The following KHDRBS3 variants were observed in gnomAD, a reference collection of about 807,000 sequenced individuals.
KHDRBS3 encodes KH RNA binding domain containing, signal transduction associated 3, also known as KH domain-containing, RNA-binding, signal transduction-associated protein 3.
KHDRBS3 carries 23 observed loss-of-function variants against 45.6 expected under a neutral mutation model. The ratio of observed to expected loss-of-function variants is 0.50; its 90% CI spans 0.36 to 0.72. The LOEUF is 0.72. Among genes scored for constraint, KHDRBS3 ranks in the 30% least tolerant of loss-of-function variants. The pLI is 0.00. For synonymous variants in KHDRBS3, 162 were observed against 156.5 expected, an observed-to-expected ratio of 1.04 and a Z score of -0.26; for missense variants, 352 against 424.8, an observed-to-expected ratio of 0.83 and a Z score of 1.51.
chr8:135,632,410 T>C (rs1174681910), intron 7 of KHDRBS3, among the ~76,000 whole-genome samples: 1 of 152,018 alleles, frequency 6.6e-6, no homozygotes, highest in Admixed American at 6.6e-5. Flanking sequence ...CTTTAACCTC[T>C]TCTCCATTTG....
Position 135,582,010 on chromosome 8 carries a change from AG to A in KHDRBS3, c.745del (p.Val249SerfsTer103). 1.9e-6 allele frequency: 3 copies of A among 1,612,724 alleles called. No individual in the cohort carries two copies. The highest frequency in any genetic ancestry group is 2.5e-6 in the Non-Finnish European group (3 of 1,179,268). ...GACTTCTCACTCCCAGAGCAAGAGGAGTCCCCCCAACTGGGTACAGACCTCC... is the reference window on the plus strand; with the variant it reads ...GACTTCTCACTCCCAGAGCAAGAGGATCCCCCCAACTGGGTACAGACCTCC... ...RGLLTPRARG[V>X]PPTGYRPPPP... On this transcript the variant is annotated frameshift_variant, in exon 6 of 9. Transcript: ENST00000355849. LOFTEE classifies it high-confidence loss of function.
At chr8:135,606,008 T>C (rs539191376) in intron 6 of KHDRBS3, among the ~76,000 whole-genome samples, 2 of 152,312 alleles carry the variant, frequency 1.3e-5, no homozygotes, top group East Asian at 3.9e-4. Context: ...TAGTGACTTT[T>C]CTAAACTAAT....
intron 1 of KHDRBS3, among the ~76,000 whole-genome samples, chr8:135,507,531 T>G (rs926705725): frequency 1.3e-5 from 2 of 152,184 alleles, no homozygotes; most frequent in Non-Finnish European, 2.9e-5. Flanking sequence ...TGACTGGCCA[T>G]GGTGTACTTA....
chr8:135,614,707 G>GGA, intron 7 of KHDRBS3, among the ~76,000 whole-genome samples: 1 of 145,906 alleles, frequency 6.9e-6, no homozygotes, highest in South Asian at 2.2e-4. Flanking sequence ...CATGGTAAGG[G>GGA]AAAAAAAAAC....
intron 1 of KHDRBS3, among the ~76,000 whole-genome samples, chr8:135,514,882 G>C (rs1454575927): frequency 1.3e-5 from 2 of 152,098 alleles, no homozygotes; most frequent in Non-Finnish European, 2.9e-5. Context: ...GATAATTTAA[G>C]TCAAACACAC....
In KHDRBS3 at chr8:135,482,806, C is replaced by T. The variant is rs1272153898; in HGVS notation, c.88+24852C>T. On this transcript the variant is annotated intron_variant, in intron 1 of 8. Coordinates refer to ENST00000355849, the MANE Select transcript of KHDRBS3 (RefSeq NM_006558.3). ...GCACCTCTGAAAAGTTGACTAACAC[C>T]ACCTAGTAGGTAGCAGGGATGTTGG... 4.6e-5 allele frequency among the ~76,000 whole-genome samples: 7 copies of T among 152,258 alleles called. No individual in the cohort carries two copies. The East Asian group carries it at 1.2e-3, about 25-fold the overall frequency.
intron 7 of KHDRBS3, among the ~76,000 whole-genome samples, chr8:135,610,071 G>A (rs1829647384): frequency 6.6e-6 from 1 of 151,814 alleles, no homozygotes; most frequent in Non-Finnish European, 1.5e-5. Context: ...CAAGATTATA[G>A]TCCATGTGAT....
At chr8:135,602,366 A>G (rs961923323) in intron 6 of KHDRBS3, among the ~76,000 whole-genome samples, 10 of 152,250 alleles carry the variant, frequency 6.6e-5, no homozygotes, top group African/African-American at 2.4e-4. Context: ...GAACTGTGAA[A>G]TTGAAATCCT....
chr8:135,487,675 A>G (rs1471246964), intron 1 of KHDRBS3, among the ~76,000 whole-genome samples: 4 of 152,172 alleles, frequency 2.6e-5, no homozygotes, highest in Non-Finnish European at 5.9e-5. Flanking sequence ...GGAAGGAGAA[A>G]AGGGAGACAG....
rs908789976 is a variant in KHDRBS3 at position 135,468,037 on chromosome 8, A to G, written c.88+10083A>G. ...TCTTTCTCCCTCTTTCTCTTTTTCA[A>G]TCCCTCTCTCCCTCTTTGTTATTCA... On this transcript the variant is annotated intron_variant, in intron 1 of 8. Coordinates refer to ENST00000355849, the MANE Select transcript of KHDRBS3 (RefSeq NM_006558.3). Among the ~76,000 whole-genome samples, 14 of 151,838 alleles carry G rather than the reference A, an allele frequency of 9.2e-5. No individual in the cohort carries two copies. In the South Asian group the frequency reaches 1.9e-3, roughly 20 times the overall value.
At chr8:135,626,545 T>C (rs1234390842) in intron 7 of KHDRBS3, among the ~76,000 whole-genome samples, 1 of 151,872 alleles carries the variant, frequency 6.6e-6, no homozygotes, top group Non-Finnish European at 1.5e-5. Flanking sequence ...GGCTCACGCC[T>C]GTAATCCCAG....
chr8:135,523,339 C>A (rs2130665163), intron 2 of KHDRBS3, among the ~76,000 whole-genome samples: 1 of 152,106 alleles, frequency 6.6e-6, no homozygotes, highest in East Asian at 1.9e-4. Flanking sequence ...TTTTGTATGT[C>A]TTTTGTTAAA....
chr8:135,625,876 C>T lies in KHDRBS3; in HGVS notation c.890+18839C>T, dbSNP rs1048552311. On this transcript the variant is annotated intron_variant, in intron 7 of 8. Transcript: ENST00000355849. Reference sequence around the variant, plus strand: ...TAGGCAGCCCCTGAGCACAGCTGTTCGATCTTTGTCACGTTCAACTGCAGA... The same window carrying T: ...TAGGCAGCCCCTGAGCACAGCTGTTTGATCTTTGTCACGTTCAACTGCAGA... 6.7e-5 allele frequency: 52 copies of T among 771,548 alleles called. No individual in the cohort carries two copies. In the East Asian group the frequency reaches 7.8e-4, roughly 12 times the overall value. The allele number at this position is 771,548 out of a possible 1,614,324, so 47.8% of individuals were successfully genotyped here. A position where few individuals can be genotyped will look rare whatever the true frequency, so the allele number is the denominator to read the frequency against.
intron 1 of KHDRBS3, among the ~76,000 whole-genome samples, chr8:135,501,114 C>T (rs1823714396): frequency 6.6e-6 from 1 of 152,140 alleles, no homozygotes; most frequent in African/African-American, 2.4e-5. Flanking sequence ...GTTTGGTAGG[C>T]TCTCAATAAA....
chr8:135,580,207 T>A (rs559539852), intron 5 of KHDRBS3, among the ~76,000 whole-genome samples: 1 of 152,330 alleles, frequency 6.6e-6, no homozygotes, highest in South Asian at 2.1e-4. Flanking sequence ...GGTCCCAGCC[T>A]CTGATGAGTA....
At chr8:135,564,912 A>G (rs1279347858) in intron 5 of KHDRBS3, among the ~76,000 whole-genome samples, 2 of 152,184 alleles carry the variant, frequency 1.3e-5, no homozygotes, top group African/African-American at 2.4e-5. Flanking sequence ...CACAAGACGC[A>G]AACACAGGAG....
intron 5 of KHDRBS3, among the ~76,000 whole-genome samples, chr8:135,564,215 C>T (rs1827295220): frequency 6.6e-6 from 1 of 152,080 alleles, no homozygotes; most frequent in African/African-American, 2.4e-5. Context: ...GATGTCACAT[C>T]TTTGTGACGC....
At chr8:135,601,483 A>G (rs1192398153) in intron 6 of KHDRBS3, among the ~76,000 whole-genome samples, 1 of 152,184 alleles carries the variant, frequency 6.6e-6, no homozygotes, top group African/African-American at 2.4e-5. Context: ...CAGGCCAGAG[A>G]CTTGCAGGAA....
chr8:135,469,070 A>G (rs1168166890), intron 1 of KHDRBS3, among the ~76,000 whole-genome samples: 1 of 152,246 alleles, frequency 6.6e-6, no homozygotes, highest in Non-Finnish European at 1.5e-5. Context: ...GTGTTGCTGC[A>G]TTCTGCATAG....
Sources: gnomAD v4.1 joint callset for allele counts (sites outside exome capture counted in the v4.1 genomes callset) on GRCh38, gnomAD v4.1.1 for gene constraint, MANE v1.5 for transcripts, NCBI Gene and HGNC (gene_info 2026-07-23, HGNC 2026-07-21) for gene names.